PTPRC: variants seen among roughly 807,000 people sequenced by gnomAD.
The protein encoded by PTPRC is receptor-type tyrosine-protein phosphatase C.
Under a neutral mutation model 155.9 loss-of-function variants are expected in PTPRC, and 44 were observed. That is an observed-to-expected ratio of 0.28 (90% confidence interval 0.22 to 0.36). The LOEUF (loss-of-function observed/expected upper bound fraction) is 0.36, where lower values mean the gene tolerates loss of function less well. PTPRC is among the 10% of genes least tolerant of loss of function. PTPRC has a pLI of 1.00. For synonymous variants in PTPRC, 525 were observed against 533.1 expected (o/e 0.98, Z 0.21); for missense variants, 1,401 against 1,564.6 (o/e 0.90, Z 1.76).
chr1:198,642,912 C>CTT (rs1447412420), intron 2 of PTPRC, among the ~76,000 whole-genome samples: 5 of 133,764 alleles, frequency 3.7e-5, no homozygotes, highest in Non-Finnish European at 8.1e-5. Flanking sequence ...TTCTTCCTTT[C>CTT]TTTCTTTCTT....
intron 2 of PTPRC, among the ~76,000 whole-genome samples, chr1:198,651,951 G>T (rs1299728261): frequency 1.3e-5 from 2 of 151,726 alleles, no homozygotes; most frequent in African/African-American, 4.8e-5. Flanking sequence ...ATTGCTTCTA[G>T]TTCTACAGAT....
intron 26 of PTPRC, among the ~76,000 whole-genome samples, chr1:198,745,490 G>A (rs951126698): frequency 6.6e-6 from 1 of 151,814 alleles, no homozygotes; most frequent in African/African-American, 2.4e-5. Flanking sequence ...ATACAAGGGC[G>A]AGTAGGGCAA....
chr1:198,718,151 T>C lies in PTPRC; in HGVS notation c.1508T>C (p.Val503Ala). 1 of 1,614,022 alleles carries C rather than the reference T, an allele frequency of 6.2e-7. No homozygotes were observed. The highest frequency in any genetic ancestry group is 8.5e-7 in the Non-Finnish European group (1 of 1,179,884). The change falls in exon 14 of 33, where the codon GTC (valine) becomes GCC (alanine). Residue 503 changes from valine (V) to alanine (A), a missense_variant. This residue lies in a region of PTPRC where 867 missense variants were observed against 970.4 expected (regional missense o/e 0.89). Transcript: ENST00000442510. Reference sequence around the variant, plus strand: ...ATGACATCAGATAATAGTATGCATGTCAAGTGTAGGCCTCCCAGGGACCGT... The same window carrying C: ...ATGACATCAGATAATAGTATGCATGCCAAGTGTAGGCCTCCCAGGGACCGT... ...VSMTSDNSMH[V>A]KCRPPRDRNG...
chr1:198,696,550 C>A (rs1666212482), intron 3 of PTPRC, among the ~76,000 whole-genome samples, 162 bp from the exon 4 acceptor site: 2 of 151,956 alleles, frequency 1.3e-5, no homozygotes, highest in South Asian at 4.1e-4. Flanking sequence ...CATATACACA[C>A]CATATACATA....
In PTPRC at chr1:198,692,349, CA is replaced by C; in HGVS notation, c.79del (p.Ser27AlafsTer9). 6.6e-7 allele frequency: 1 copy of C among 1,516,938 alleles called. No individual in the cohort carries two copies. The highest frequency in any genetic ancestry group is 8.9e-7 in the Non-Finnish European group (1 of 1,128,548). 94.0% of individuals were successfully genotyped at this position (1,516,938 alleles called of 1,614,324 possible). On this transcript the variant is annotated frameshift_variant, in exon 3 of 33. Transcript: ENST00000442510. LOFTEE classifies it high-confidence loss of function. ...FLDTEVFVTG[Q>X]SPTPSPTGLT... ...AGATTTTTGTTTCTTCTTTGCAGGGCAAAGCCCAACACCTTCCCCCACTGGT... is the reference window on the plus strand; with the variant it reads ...AGATTTTTGTTTCTTCTTTGCAGGGCAAGCCCAACACCTTCCCCCACTGGT...
At chr1:198,751,097 T>C (rs1347879847) in intron 29 of PTPRC, among the ~76,000 whole-genome samples, 1 of 152,042 alleles carries the variant, frequency 6.6e-6, no homozygotes, top group Non-Finnish European at 1.5e-5. Context: ...TCACTGAGTC[T>C]AAACTTATTG....
At chr1:198,709,468 T>C (rs1000079558) in intron 10 of PTPRC, among the ~76,000 whole-genome samples, 11 of 152,150 alleles carry the variant, frequency 7.2e-5, no homozygotes, top group Non-Finnish European at 1.6e-4. Flanking sequence ...CCAAAACACT[T>C]CTGGTGCCAG....
chr1:198,686,374 C>T (rs1489889058), intron 2 of PTPRC, among the ~76,000 whole-genome samples: 2 of 151,938 alleles, frequency 1.3e-5, no homozygotes, highest in South Asian at 2.1e-4. Flanking sequence ...AATGAAAACA[C>T]AAGACATTTA....
chr1:198,667,092 C>T (rs1200564662), intron 2 of PTPRC: 2 of 152,328 alleles, frequency 1.3e-5, no homozygotes, highest in East Asian at 3.9e-4. Context: ...TATGCGTCCA[C>T]ACCTTTCATC....
At chr1:198,667,885 A>T (rs1201954830) in intron 2 of PTPRC, among the ~76,000 whole-genome samples, 1 of 152,234 alleles carries the variant, frequency 6.6e-6, no homozygotes, top group Non-Finnish European at 1.5e-5. Context: ...AGTGCACAGC[A>T]AGAGAAAAGA....
intron 2 of PTPRC, among the ~76,000 whole-genome samples, chr1:198,658,607 A>G (rs1195624208): frequency 6.6e-6 from 1 of 152,126 alleles, no homozygotes; most frequent in African/African-American, 2.4e-5. Flanking sequence ...CAGACTAATT[A>G]ACAAGTTTTC....
chr1:198,717,350 G>T (rs1211020015), intron 13 of PTPRC, among the ~76,000 whole-genome samples: 1 of 151,956 alleles, frequency 6.6e-6, no homozygotes, highest in Non-Finnish European at 1.5e-5. Context: ...CCTTTCAATG[G>T]CATTTGGCTC....
intron 2 of PTPRC, among the ~76,000 whole-genome samples, chr1:198,659,977 TA>T (rs1663852821): frequency 7.1e-6 from 1 of 141,410 alleles, no homozygotes; most frequent in Non-Finnish European, 1.5e-5. Context: ...TATATCTATA[TA>T]AATAGATTAT....
chr1:198,750,683 A>G (rs955587356), intron 29 of PTPRC, 57 bp downstream of exon 29: 3 of 1,586,670 alleles, frequency 1.9e-6, no homozygotes, highest in Non-Finnish European at 2.6e-6. Context: ...GTCATTCTCT[A>G]GTCTTGGATT....
In PTPRC at chr1:198,681,088, G is replaced by A. The variant is rs1665297329; in HGVS notation, c.74-11259G>A. ...AAATGTTCCTTCTTTACTAAAGATAGAGAAACCATTTTCTGATGTACAAAG... is the reference window on the plus strand; with the variant it reads ...AAATGTTCCTTCTTTACTAAAGATAAAGAAACCATTTTCTGATGTACAAAG... On this transcript the variant is annotated intron_variant, in intron 2 of 32. Coordinates refer to ENST00000442510, the MANE Select transcript of PTPRC (RefSeq NM_002838.5). Among the ~76,000 whole-genome samples the A allele has an allele frequency of 2.6e-5, 4 of 152,150 alleles. No individual in the cohort carries two copies. In the South Asian group the frequency reaches 8.3e-4, roughly 32 times the overall value.
At chr1:198,698,248 A>C (rs1215800759) in intron 4 of PTPRC, among the ~76,000 whole-genome samples, 1 of 152,232 alleles carries the variant, frequency 6.6e-6, no homozygotes, top group Non-Finnish European at 1.5e-5. Flanking sequence ...AGAAAGGTTT[A>C]AAGTTGAATA....
At chr1:198,686,397 T>C (rs770297169) in intron 2 of PTPRC, among the ~76,000 whole-genome samples, 42 of 152,152 alleles carry the variant, frequency 2.8e-4, no homozygotes, top group Non-Finnish European at 5.6e-4. Context: ...TTTTAAAAAA[T>C]GTAGAAAATT....
At chr1:198,655,178 T>A (rs557359328) in intron 2 of PTPRC, among the ~76,000 whole-genome samples, 460 of 152,050 alleles carry the variant, frequency 3.0e-3, no homozygotes, top group Non-Finnish European at 4.0e-3. Flanking sequence ...CGGTTTTTTT[T>A]AATTAGCTGA....
At chr1:198,732,770 T>A (rs1654454539) in intron 20 of PTPRC, among the ~76,000 whole-genome samples, 1 of 151,930 alleles carries the variant, frequency 6.6e-6, no homozygotes, top group African/African-American at 2.4e-5. Context: ...ACAAACAAAA[T>A]TATATTAAGA....
Sources: allele counts gnomAD v4.1 joint callset (sites outside exome capture counted in the v4.1 genomes callset), GRCh38; gene constraint gnomAD v4.1.1; regional missense constraint gnomAD v4.1.1; transcripts MANE v1.5; gene names NCBI Gene and HGNC (gene_info 2026-07-23, HGNC 2026-07-21).